The following BTD variants were observed in gnomAD, a reference collection of about 807,000 sequenced individuals.
BTD encodes the protein biotinidase, also known as biocytinase.
In BTD, 13 loss-of-function variants were observed where a neutral mutation model predicts 17.7. That is an observed-to-expected ratio of 0.74 (90% CI 0.48 to 1.17). BTD has a LOEUF of 1.17. Ranked by LOEUF, BTD falls within the 50% of genes most tolerant of loss-of-function variation. BTD has a pLI of 0.00. For synonymous variants in BTD, 240 were observed against 245.2 expected (o/e 0.98, Z 0.20); for missense variants, 674 against 650.4 (o/e 1.04, Z -0.39).
intron 1 of BTD, among the ~76,000 whole-genome samples, chr3:15,615,400 C>T (rs1452322533): frequency 6.6e-6 from 1 of 152,146 alleles, no homozygotes; most frequent in Non-Finnish European, 1.5e-5. Flanking sequence ...TGTTTTTGTC[C>T]ATCCTTTCAA....
At chr3:15,687,747 A>G (rs143456874) in intron 3 of BTD, among the ~76,000 whole-genome samples, 3 of 152,274 alleles carry the variant, frequency 2.0e-5, no homozygotes, top group East Asian at 1.9e-4. Context: ...CAGCTCTCAC[A>G]GCTTAGCAAC....
intron 3 of BTD, chr3:15,678,482 CACAA>C (rs1161961981): frequency 1.3e-6 from 1 of 771,178 alleles, no homozygotes; most frequent in East Asian, 2.9e-5. Flanking sequence ...ACTGCCTGTA[CACAA>C]ACAAATAGGC....
At chr3:15,706,677 A>G (rs987724639) in intron 3 of BTD, among the ~76,000 whole-genome samples, 1 of 152,182 alleles carries the variant, frequency 6.6e-6, no homozygotes, top group Non-Finnish European at 1.5e-5. Context: ...TGTCTTCCAC[A>G]ATGGTTGAAC....
chr3:15,602,911 G>A (rs746886214), intron 1 of BTD, among the ~76,000 whole-genome samples: 1 of 152,142 alleles, frequency 6.6e-6, no homozygotes, highest in African/African-American at 2.4e-5. Context: ...GAGGTTTAAT[G>A]GTCTCACAGT....
chr3:15,710,347 CTG>C (rs1397528552), exon 4 of BTD, among the ~76,000 whole-genome samples: 2 of 152,162 alleles, frequency 1.3e-5, no homozygotes, highest in Admixed American at 1.3e-4. Context: ...ACAATGAAAA[CTG>C]TAACTGTCAA....
chr3:15,714,856 T>C (rs781227895), downstream of BTD, among the ~76,000 whole-genome samples: 2 of 152,144 alleles, frequency 1.3e-5, no homozygotes, highest in Non-Finnish European at 1.5e-5. Context: ...AACACAAATA[T>C]ACAAAAATTC....
chr3:15,603,921 C>G (rs540184067), intron 1 of BTD, among the ~76,000 whole-genome samples: 23 of 152,342 alleles, frequency 1.5e-4, no homozygotes, highest in African/African-American at 4.1e-4. Flanking sequence ...CTCCCACAGC[C>G]TTGGGCAGCT....
chr3:15,691,414 C>T (rs1242273908), intron 3 of BTD, among the ~76,000 whole-genome samples: 4 of 152,154 alleles, frequency 2.6e-5, no homozygotes, highest in African/African-American at 9.7e-5. Flanking sequence ...TGAGCCACTG[C>T]GCCCGGCCCC....
downstream of BTD, chr3:15,713,708 A>T: frequency 9.9e-7 from 1 of 1,007,804 alleles, no homozygotes; most frequent in Non-Finnish European, 1.4e-6. Context: ...ACTACATGAA[A>T]AGTAATAAAA....
chr3:15,602,401 C>G (rs779681449), intron 1 of BTD: 53 of 865,720 alleles, frequency 6.1e-5, no homozygotes, highest in Non-Finnish European at 7.4e-5. Context: ...TATGGCGTTT[C>G]ATAATTCTTA....
In BTD at chr3:15,710,059, G is replaced by C. The variant is rs1344451338; in HGVS notation, c.400-1G>C. Among the ~76,000 whole-genome samples the C allele has an allele frequency of 6.8e-6, 1 of 147,654 alleles. No individual in the cohort carries two copies. Among genetic ancestry groups the C allele is most frequent in the Non-Finnish European group, 1.5e-5 (1 of 67,288 alleles). ...AGGTTTTTTTTTTTTTCTTGAAACAGAGCCTCACTCTATAGTTTAGGCTAG... is the reference window on the plus strand; with the variant it reads ...AGGTTTTTTTTTTTTTCTTGAAACACAGCCTCACTCTATAGTTTAGGCTAG... On this transcript the variant is annotated splice_acceptor_variant, in intron 3 of 3. Coordinates refer to the BTD transcript ENST00000672141. LOFTEE classifies it high-confidence loss of function.
In BTD at chr3:15,647,638, ATATATC is replaced by A. The variant is rs2065726098; in HGVS notation, c.*2154_*2159del. 2 of 152,240 alleles carry A rather than the reference ATATATC, an allele frequency of 1.3e-5. No homozygotes were observed. Among genetic ancestry groups the A allele is most frequent in the Admixed American group, 1.3e-4 (2 of 15,286 alleles). 9.4% of individuals were successfully genotyped at this position (152,240 alleles called of 1,614,324 possible). On this transcript the variant is annotated 3_prime_UTR_variant, in exon 4 of 4. Transcript: ENST00000643237. ...AAAATAAATCATTTTCAGGGAAAAAATATATCTATGACTAATGGTTGTGATTATGTT... is the reference window on the plus strand; with the variant it reads ...AAAATAAATCATTTTCAGGGAAAAAATATGACTAATGGTTGTGATTATGTT...
At chr3:15,607,044 AG>A in intron 1 of BTD, 1 of 153,342 alleles carries the variant, frequency 6.5e-6, no homozygotes, top group East Asian at 1.9e-4. Context: ...AGTGTGGCCC[AG>A]GGAAGCCAAA....
chr3:15,644,660 C>T lies in BTD; in HGVS notation c.744C>T (p.Tyr248=). The change falls in exon 4 of 4, where the codon TAC becomes TAT. Residue 248 remains tyrosine, a synonymous_variant. Coordinates refer to ENST00000643237, the MANE Select transcript of BTD (RefSeq NM_001370658.1). The part of the protein sequence containing the change: ...LRDYKVKHVV[Y]PTAWMNQLPL... ...ACTACAAGGTGAAGCATGTTGTGTACCCAACTGCCTGGATGAACCAGCTCC... is the reference window on the plus strand; with the variant it reads ...ACTACAAGGTGAAGCATGTTGTGTATCCAACTGCCTGGATGAACCAGCTCC... 6.2e-7 allele frequency: 1 copy of T among 1,614,186 alleles called. No individual in the cohort carries two copies. The highest frequency in any genetic ancestry group is 8.5e-7 in the Non-Finnish European group (1 of 1,180,036).
rs775067629 is a variant in BTD at position 15,645,375 on chromosome 3, G to A, written c.1459G>A (p.Glu487Lys). ...GTTTCTGACCTCAGGGATGACCCTA[G>A]AAGTCCCTGACCAGCTTGGCTGGGA... ...PLFLTSGMTL[E>K]VPDQLGWEND... Residue 487 changes from glutamate to lysine, a missense_variant, in exon 4 of 4, where the codon GAA becomes AAA. Transcript: ENST00000643237. 12 of 1,614,076 alleles carry A rather than the reference G, an allele frequency of 7.4e-6. No individual in the cohort carries two copies. The highest frequency in any genetic ancestry group is 1.1e-5 in the South Asian group (1 of 91,092).
chr3:15,645,500 G>A lies in BTD; in HGVS notation c.*12G>A. On this transcript the variant is annotated 3_prime_UTR_variant, in exon 4 of 4. Coordinates refer to ENST00000643237, the MANE Select transcript of BTD (RefSeq NM_001370658.1). ...ATGAGAGGGACTAGGAAAAGTGTGT[G>A]GTCTGTGGGGCGGACTCTGGCCATC... 6.2e-7 allele frequency: 1 copy of A among 1,601,650 alleles called. No individual in the cohort carries two copies. Among genetic ancestry groups the A allele is most frequent in the Non-Finnish European group, 8.5e-7 (1 of 1,179,900 alleles).
At chr3:15,715,252 T>C (rs1325774216), downstream of BTD, among the ~76,000 whole-genome samples, 2 of 152,176 alleles carry the variant, frequency 1.3e-5, no homozygotes, top group Non-Finnish European at 2.9e-5. Flanking sequence ...TTTTCTTTTC[T>C]AAAATCTTTC....
intron 3 of BTD, among the ~76,000 whole-genome samples, chr3:15,679,772 A>G (rs1474983144): frequency 6.6e-6 from 1 of 152,198 alleles, no homozygotes; most frequent in South Asian, 2.1e-4. Context: ...CGCACAAAAT[A>G]CATACAGTTG....
At chr3:15,670,208 C>T in intron 3 of BTD, 1 of 1,543,782 alleles carries the variant, frequency 6.5e-7, no homozygotes, top group South Asian at 1.2e-5. Flanking sequence ...TATCAAAGTG[C>T]CTTTTTCCTG....
Sources: allele counts gnomAD v4.1 joint callset (sites outside exome capture counted in the v4.1 genomes callset), GRCh38; gene constraint gnomAD v4.1.1; transcripts MANE v1.5; gene names NCBI Gene and HGNC (gene_info 2026-07-23, HGNC 2026-07-21).